PRKG2: variants seen among roughly 807,000 people sequenced by gnomAD.
PRKG2 encodes the protein protein kinase cGMP-dependent 2.
Under a neutral mutation model 97.2 loss-of-function variants are expected in PRKG2, and 33 were observed. The ratio of observed to expected loss-of-function variants is 0.34; its 90% CI spans 0.26 to 0.45. PRKG2 has a LOEUF of 0.45. Among genes scored for constraint, PRKG2 ranks in the 20% least tolerant of loss-of-function variants. PRKG2 has a pLI of 1.00. For synonymous variants in PRKG2, 330 were observed against 321.8 expected, an observed-to-expected ratio of 1.03 and a Z score of -0.27; for missense variants, 638 against 900.0, an observed-to-expected ratio of 0.71 and a Z score of 3.73.
chr4:81,090,628 G>A (rs1407188397), intron 18 of PRKG2, among the ~76,000 whole-genome samples: 1 of 152,124 alleles, frequency 6.6e-6, no homozygotes. Context: ...TCAAACAAAT[G>A]TAAGTAATGC....
intron 12 of PRKG2, among the ~76,000 whole-genome samples, chr4:81,138,010 T>C (rs539291808): frequency 5.3e-4 from 80 of 152,294 alleles, no homozygotes; most frequent in African/African-American, 1.9e-3. Context: ...AAACAACACC[T>C]GTGGGGAAGG....
chr4:81,149,504 A>G (rs1748178943), intron 8 of PRKG2, among the ~76,000 whole-genome samples: 2 of 152,184 alleles, frequency 1.3e-5, no homozygotes, highest in South Asian at 4.1e-4. Flanking sequence ...CTTAAAATTG[A>G]TAAATTGTAG....
At position 81,088,002 on chromosome 4, in the gene PRKG2, A is replaced by G. The variant is rs1741246420; in HGVS notation, c.*1706T>C. 6.6e-6 allele frequency: 1 copy of G among 152,168 alleles called. No individual in the cohort carries two copies. 9.4% of individuals were successfully genotyped at this position (152,168 alleles called of 1,614,324 possible). A position where few individuals can be genotyped will look rare whatever the true frequency, so the allele number is the denominator to read the frequency against. Reference sequence around the variant, plus strand: ...AGGTTGGAAATTTAAAAATATATACATGGAAAAACATACAGTACAAACCAA... The same window carrying G: ...AGGTTGGAAATTTAAAAATATATACGTGGAAAAACATACAGTACAAACCAA... On this transcript the variant is annotated 3_prime_UTR_variant, in exon 19 of 19. Transcript: ENST00000264399.
intron 2 of PRKG2, among the ~76,000 whole-genome samples, chr4:81,182,897 G>A (rs1480246141): frequency 6.6e-6 from 1 of 151,970 alleles, no homozygotes; most frequent in Non-Finnish European, 1.5e-5. Context: ...TAACTAAATG[G>A]AGGAATATAC....
intron 12 of PRKG2, among the ~76,000 whole-genome samples, chr4:81,138,416 T>C (rs929011833): frequency 6.6e-5 from 10 of 152,162 alleles, no homozygotes; most frequent in Non-Finnish European, 1.3e-4. Context: ...GTTCAAAGGG[T>C]GGGCTCTGAA....
At chr4:81,161,764 A>G (rs766555102) in intron 6 of PRKG2, among the ~76,000 whole-genome samples, 6 of 152,080 alleles carry the variant, frequency 3.9e-5, no homozygotes, top group Non-Finnish European at 7.4e-5. Context: ...TCTGACCCCA[A>G]CCAGAAATAA....
intron 2 of PRKG2, among the ~76,000 whole-genome samples, chr4:81,202,966 T>G (rs1448672889): frequency 6.6e-6 from 1 of 151,970 alleles, no homozygotes; most frequent in Non-Finnish European, 1.5e-5. Context: ...TACATGTCAT[T>G]CTGCATAAAA....
intron 2 of PRKG2, among the ~76,000 whole-genome samples, chr4:81,179,333 A>G (rs904603594): frequency 6.6e-6 from 1 of 152,208 alleles, no homozygotes; most frequent in Admixed American, 6.5e-5. Context: ...TTACTTTCAA[A>G]TGACTAACTT....
intron 7 of PRKG2, among the ~76,000 whole-genome samples, chr4:81,152,384 T>C (rs1187406661): frequency 6.6e-6 from 1 of 152,188 alleles, no homozygotes; most frequent in East Asian, 1.9e-4. Context: ...AATGGTCTTG[T>C]GGGAACTTTT....
intron 6 of PRKG2, among the ~76,000 whole-genome samples, chr4:81,162,647 A>C (rs1194017868): frequency 1.3e-5 from 2 of 152,082 alleles, no homozygotes; most frequent in Non-Finnish European, 2.9e-5. Context: ...GCTTACTCAA[A>C]CCCTTCATCC....
At chr4:81,206,538 T>G (rs1753669117) in intron 1 of PRKG2, among the ~76,000 whole-genome samples, 1 of 152,144 alleles carries the variant, frequency 6.6e-6, no homozygotes, top group Non-Finnish European at 1.5e-5. Flanking sequence ...TTACCCAGTC[T>G]CAGGTATGTC....
At chr4:81,124,747 G>A (rs116621430) in intron 14 of PRKG2, among the ~76,000 whole-genome samples, 1 of 152,052 alleles carries the variant, frequency 6.6e-6, no homozygotes, top group African/African-American at 2.4e-5. Flanking sequence ...GTAACTTCCC[G>A]AGAGACCTCA....
chr4:81,124,357 G>C (rs1308531974), intron 14 of PRKG2, among the ~76,000 whole-genome samples: 1 of 151,758 alleles, frequency 6.6e-6, no homozygotes, highest in Non-Finnish European at 1.5e-5. Flanking sequence ...TTTTTGTTTT[G>C]TACTTTCACT....
chr4:81,159,131 G>A lies in PRKG2; in HGVS notation c.913-5410C>T, dbSNP rs570639609. Among the ~76,000 whole-genome samples, 27 of 152,264 alleles carry A rather than the reference G, an allele frequency of 1.8e-4. No homozygotes were observed. In the East Asian group the frequency reaches 4.8e-3, roughly 27 times the overall value. On this transcript the variant is annotated intron_variant, in intron 6 of 18. Transcript: ENST00000264399. ...AAATGGGATCTAATTCAACTAAAGAGCTTCTGCATAGCAAAAGAAACTACC... is the reference window on the plus strand; with the variant it reads ...AAATGGGATCTAATTCAACTAAAGAACTTCTGCATAGCAAAAGAAACTACC...
intron 14 of PRKG2, among the ~76,000 whole-genome samples, chr4:81,123,437 C>T (rs1169469047): frequency 6.6e-6 from 1 of 152,194 alleles, no homozygotes; most frequent in African/African-American, 2.4e-5. Context: ...CAGAGTCTTG[C>T]TCTGTTGCCC....
intron 1 of PRKG2, among the ~76,000 whole-genome samples, chr4:81,210,351 T>C (rs1365353546): frequency 6.6e-6 from 1 of 151,460 alleles, no homozygotes; most frequent in African/African-American, 2.4e-5. Context: ...GAACACTCAA[T>C]AATAGGAAAA....
At chr4:81,198,172 C>T (rs1753079772) in intron 2 of PRKG2, among the ~76,000 whole-genome samples, 1 of 152,192 alleles carries the variant, frequency 6.6e-6, no homozygotes, top group African/African-American at 2.4e-5. Context: ...CGCCTAGCAA[C>T]TAAGACTAGA....
At position 81,092,815 on chromosome 4, in the gene PRKG2, G is replaced by A. The variant is rs116010000; in HGVS notation, c.2127-363C>T. Among the ~76,000 whole-genome samples the A allele has an allele frequency of 9.0e-3, 1,363 of 152,172 alleles. 16 individuals carry two copies. Among genetic ancestry groups the A allele is most frequent in the Admixed American group, 0.035 (537 of 15,270 alleles). On this transcript the variant is annotated intron_variant, in intron 17 of 18. Transcript: ENST00000264399. ...ACCAAAGCTCTTGTAGTTGTTCTTTGCCTTATATCCTATCTGAGTCCATGA... is the reference window on the plus strand; with the variant it reads ...ACCAAAGCTCTTGTAGTTGTTCTTTACCTTATATCCTATCTGAGTCCATGA...
intron 11 of PRKG2, 76 bp downstream of exon 11, chr4:81,142,718 C>G (rs1747413355): frequency 7.1e-7 from 1 of 1,409,076 alleles, no homozygotes; most frequent in Admixed American, 2.3e-5. Flanking sequence ...ATATATTCCT[C>G]CAAGATATGC....
Sources: allele counts gnomAD v4.1 joint callset (sites outside exome capture counted in the v4.1 genomes callset), GRCh38; gene constraint gnomAD v4.1.1; transcripts MANE v1.5; gene names NCBI Gene and HGNC (gene_info 2026-07-23, HGNC 2026-07-21).